AKAP13: variants seen among roughly 807,000 people sequenced by gnomAD.
AKAP13 encodes the protein A-kinase anchoring protein 13.
AKAP13 carries 80 observed loss-of-function variants against 264.5 expected under a neutral mutation model. That is an observed-to-expected ratio of 0.30 (90% CI 0.25 to 0.36). The LOEUF is 0.36. AKAP13 is among the 10% of genes least tolerant of loss of function. The pLI, the probability that AKAP13 is intolerant of heterozygous loss-of-function variation, is 1.00. For missense variants in AKAP13, 3,712 were observed against 3,435.2 expected, an observed-to-expected ratio of 1.08 and a Z score of -2.01; for synonymous variants, 1,380 against 1,250.2, an observed-to-expected ratio of 1.10 and a Z score of -2.19.
chr15:85,675,936 G>A (rs2084202239), intron 14 of AKAP13, among the ~76,000 whole-genome samples: 1 of 151,700 alleles, frequency 6.6e-6, no homozygotes, highest in Non-Finnish European at 1.5e-5. Context: ...TTTTGAGAAG[G>A]AGTCTCACTC....
chr15:85,383,607 C>G (rs2070402107), intron 1 of AKAP13, among the ~76,000 whole-genome samples: 2 of 152,194 alleles, frequency 1.3e-5, no homozygotes, highest in Non-Finnish European at 2.9e-5. Context: ...TCTATTTCTT[C>G]AAAGGTGCCA....
At chr15:85,682,633 A>G (rs2084657343) in intron 15 of AKAP13, among the ~76,000 whole-genome samples, 1 of 152,184 alleles carries the variant, frequency 6.6e-6, no homozygotes, top group Non-Finnish European at 1.5e-5. Context: ...ATACATGTAA[A>G]TGATACATAG....
chr15:85,399,502 C>CAAA (rs71138392), intron 1 of AKAP13, among the ~76,000 whole-genome samples: 12 of 77,068 alleles, frequency 1.6e-4, no homozygotes, highest in East Asian at 7.5e-4. Context: ...GACTCCGTCT[C>CAAA]AAAAAAAAAA....
intron 1 of AKAP13, among the ~76,000 whole-genome samples, chr15:85,458,630 A>G (rs2074383842): frequency 6.6e-6 from 1 of 152,114 alleles, no homozygotes. Flanking sequence ...CCTAATACGT[A>G]TTAGACAGAT....
At chr15:85,701,239 A>T (rs979637588) in intron 17 of AKAP13, 1 of 152,052 alleles carries the variant, frequency 6.6e-6, no homozygotes, top group Non-Finnish European at 1.5e-5. Flanking sequence ...ACGTTATTTC[A>T]TGAAGTCCAG....
At chr15:85,503,686 G>A (rs1199033014) in intron 2 of AKAP13, among the ~76,000 whole-genome samples, 1 of 152,154 alleles carries the variant, frequency 6.6e-6, no homozygotes, top group Non-Finnish European at 1.5e-5. Flanking sequence ...TATTAGATCA[G>A]GTAAAGGAGG....
At chr15:85,557,143 A>G (rs180809057) in intron 5 of AKAP13, among the ~76,000 whole-genome samples, 43 of 152,364 alleles carry the variant, frequency 2.8e-4, no homozygotes, top group African/African-American at 1.0e-3. Flanking sequence ...ATTAATCCAC[A>G]TAAATTACTA....
intron 2 of AKAP13, among the ~76,000 whole-genome samples, chr15:85,498,199 GATAT>G (rs59420326): frequency 0.14 from 18,533 of 132,926 alleles, 1,805 homozygotes; most frequent in Non-Finnish European, 0.19. Flanking sequence ...AATGAAGTGA[GATAT>G]ATATATATAT....
Position 85,427,509 on chromosome 15 carries a change from G to C in AKAP13, c.-12+46711G>C, listed in dbSNP as rs376395768. 1.4e-4 allele frequency among the ~76,000 whole-genome samples: 22 copies of C among 152,054 alleles called. No homozygotes were observed. The East Asian group carries it at 3.7e-3, about 25-fold the overall frequency. On this transcript the variant is annotated intron_variant, in intron 1 of 36. Transcript: ENST00000394518. ...GACTCCTCTAGGCAAGTTTGTAGTTGTGTGTGTGTGCGCACACACACGCTT... is the reference window on the plus strand; with the variant it reads ...GACTCCTCTAGGCAAGTTTGTAGTTCTGTGTGTGTGCGCACACACACGCTT...
At chr15:85,582,988 A>G in intron 7 of AKAP13, 1 of 985,466 alleles carries the variant, frequency 1.0e-6, no homozygotes, top group Non-Finnish European at 1.2e-6. Flanking sequence ...CCGTGGAAAT[A>G]AACTATCTGA....
intron 2 of AKAP13, among the ~76,000 whole-genome samples, chr15:85,514,230 A>G (rs879515944): frequency 1.5e-5 from 2 of 137,814 alleles, no homozygotes; most frequent in Admixed American, 1.5e-4. Context: ...TCATTCTGTG[A>G]TACTCATAGG....
At chr15:85,597,410 C>T (rs1324068046) in intron 8 of AKAP13, among the ~76,000 whole-genome samples, 1 of 152,172 alleles carries the variant, frequency 6.6e-6, no homozygotes, top group African/African-American at 2.4e-5. Context: ...GAAACCTCTC[C>T]AGTGTTTCTG....
At chr15:85,554,102 C>G (rs908726379) in intron 5 of AKAP13, among the ~76,000 whole-genome samples, 3 of 152,296 alleles carry the variant, frequency 2.0e-5, no homozygotes, top group African/African-American at 7.2e-5. Context: ...TGCTGCCTCA[C>G]TGATAGTGAT....
intron 14 of AKAP13, among the ~76,000 whole-genome samples, chr15:85,680,235 A>G (rs1240322912): frequency 3.9e-5 from 6 of 152,224 alleles, no homozygotes; most frequent in Admixed American, 3.9e-4. Context: ...AGAAAATTTA[A>G]TGCTGCTCCT....
chr15:85,589,484 A>C (rs1343621268), intron 8 of AKAP13, among the ~76,000 whole-genome samples: 1 of 152,028 alleles, frequency 6.6e-6, no homozygotes, highest in Non-Finnish European at 1.5e-5. Flanking sequence ...AGCCGGGCAC[A>C]GCGGCTCATG....
chr15:85,466,062 G>A (rs12595689), intron 1 of AKAP13, among the ~76,000 whole-genome samples: 4 of 151,812 alleles, frequency 2.6e-5, no homozygotes, highest in East Asian at 1.9e-4. Flanking sequence ...GTGTGAGATG[G>A]TATCTCATTG....
At chr15:85,458,088 C>T (rs1003186210) in intron 1 of AKAP13, among the ~76,000 whole-genome samples, 10 of 149,168 alleles carry the variant, frequency 6.7e-5, no homozygotes, top group African/African-American at 1.7e-4. Flanking sequence ...TGCAGTGAGC[C>T]GAGATTGCGC....
At chr15:85,725,903 G>A (rs1369074404) in intron 26 of AKAP13, among the ~76,000 whole-genome samples, 1 of 152,130 alleles carries the variant, frequency 6.6e-6, no homozygotes, top group Non-Finnish European at 1.5e-5. Flanking sequence ...TCTTTTGAGG[G>A]CATGGAAGAC....
intron 5 of AKAP13, among the ~76,000 whole-genome samples, chr15:85,545,819 C>T (rs1398260151): frequency 6.6e-6 from 1 of 152,104 alleles, no homozygotes; most frequent in African/African-American, 2.4e-5. Context: ...TTCTTTTCTC[C>T]TTTCCTTCCC....
Sources: allele counts gnomAD v4.1 joint callset (sites outside exome capture counted in the v4.1 genomes callset), GRCh38; gene constraint gnomAD v4.1.1; transcripts MANE v1.5; gene names NCBI Gene and HGNC (gene_info 2026-07-23, HGNC 2026-07-21).